Variants in PRH1 observed in about 807,000 individuals in gnomAD.
PRH1 encodes proline rich protein HaeIII subfamily 1.
Under a neutral mutation model 7.9 loss-of-function variants are expected in PRH1, and 7 were observed. The observed-to-expected ratio is 0.89, with a 90% confidence interval of 0.50 to 1.67. The LOEUF is 1.67. Among genes scored for constraint, PRH1 ranks in the 40% most tolerant of loss-of-function variants. PRH1 has a pLI of 0.00. For synonymous variants in PRH1, 45 were observed against 80.8 expected, an observed-to-expected ratio of 0.56 and a Z score of 2.38; for missense variants, 109 against 223.6, an observed-to-expected ratio of 0.49 and a Z score of 3.27.
At chr12:10,973,913 T>C (rs1030046087) in intron 1 of PRH1, among the ~76,000 whole-genome samples, 1 of 152,272 alleles carries the variant, frequency 6.6e-6, no homozygotes, top group Admixed American at 6.5e-5. Flanking sequence ...AAACTACTCC[T>C]AAAATGTATC....
At chr12:10,982,983 G>A (rs1391339657) in intron 1 of PRH1, among the ~76,000 whole-genome samples, 1 of 152,156 alleles carries the variant, frequency 6.6e-6, no homozygotes, top group Non-Finnish European at 1.5e-5. Context: ...AAAGGAGTTT[G>A]CAAGGGCTGC....
chr12:11,043,482 T>C (rs779701268), intron 1 of PRH1, among the ~76,000 whole-genome samples: 1 of 152,088 alleles, frequency 6.6e-6, no homozygotes, highest in Non-Finnish European at 1.5e-5. Context: ...AGCATCCACA[T>C]AGGAAAAGAA....
intron 2 of PRH1, among the ~76,000 whole-genome samples, chr12:10,967,940 G>C (rs1938586986): frequency 1.3e-5 from 2 of 152,192 alleles, no homozygotes; most frequent in African/African-American, 4.8e-5. Flanking sequence ...AGAGATTAGG[G>C]TGTGGTGGCA....
intron 1 of PRH1, chr12:11,061,810 A>G (rs778604903): frequency 1.9e-6 from 3 of 1,614,180 alleles, no homozygotes; most frequent in Middle Eastern, 3.3e-4. Context: ...CTTCCAAGTC[A>G]TGTTTCCTTC....
At chr12:11,027,664 A>G (rs1224630530) in intron 1 of PRH1, among the ~76,000 whole-genome samples, 1 of 152,210 alleles carries the variant, frequency 6.6e-6, no homozygotes, top group Non-Finnish European at 1.5e-5. Flanking sequence ...GCTCTACAGA[A>G]GATATAGACT....
chr12:10,984,721 TAC>T (rs1404262454), intron 1 of PRH1, among the ~76,000 whole-genome samples: 3 of 152,074 alleles, frequency 2.0e-5, no homozygotes, highest in African/African-American at 4.8e-5. Flanking sequence ...CAAGAATTAA[TAC>T]AGTTTATAGA....
At chr12:10,952,860 C>T (rs370889404) in intron 2 of PRH1, among the ~76,000 whole-genome samples, 1 of 152,146 alleles carries the variant, frequency 6.6e-6, no homozygotes, top group African/African-American at 2.4e-5. Flanking sequence ...AACAAGCTTG[C>T]GTTACACTGT....
At chr12:11,047,829 AT>A (rs761522482), upstream of PRH1, among the ~76,000 whole-genome samples, 16 of 152,354 alleles carry the variant, frequency 1.1e-4, no homozygotes, top group East Asian at 1.7e-3. Context: ...TCATAATGAA[AT>A]AAAACCTACC....
chr12:11,105,936 C>CT (rs765916131), intron 1 of PRH1, among the ~76,000 whole-genome samples: 2,350 of 94,930 alleles, frequency 0.025, 285 homozygotes, highest in African/African-American at 0.057. Flanking sequence ...ATAACTTATT[C>CT]TTTTTTTTTT....
At chr12:10,967,516 C>G (rs1178856607) in intron 2 of PRH1, among the ~76,000 whole-genome samples, 3 of 152,208 alleles carry the variant, frequency 2.0e-5, no homozygotes, top group Non-Finnish European at 4.4e-5. Context: ...CATCTGGTAA[C>G]AATTTTCTAC....
chr12:11,171,462 C>G (rs1450644654), upstream of PRH1: 1 of 1,232,284 alleles, frequency 8.1e-7, no homozygotes, highest in African/African-American at 1.5e-5. Context: ...CCGCACCCTG[C>G]TCGCCTTCTT....
rs1949602096 is a variant in PRH1 at position 10,893,341 on chromosome 12, T to A, written c.-58-9066A>T. 2.0e-5 allele frequency among the ~76,000 whole-genome samples: 3 copies of A among 152,252 alleles called. No homozygotes were observed. The South Asian group carries it at 6.2e-4, about 31-fold the overall frequency. On this transcript the variant is annotated intron_variant, in intron 2 of 3. Coordinates refer to the PRH1 transcript ENST00000539853. Reference sequence around the variant, plus strand: ...TCCATAGCACACTTACATTATGATGTAAACTCATATTATGGTTATCACAAG... The same window carrying A: ...TCCATAGCACACTTACATTATGATGAAAACTCATATTATGGTTATCACAAG...
At chr12:10,929,282 G>A in intron 2 of PRH1, 28 of 1,614,196 alleles carry the variant, frequency 1.7e-5, no homozygotes, top group Non-Finnish European at 2.4e-5. Flanking sequence ...AGATGCTTCT[G>A]ATTCTGCTGT....
At chr12:11,049,865 A>C (rs1241858851), upstream of PRH1, among the ~76,000 whole-genome samples, 2 of 152,214 alleles carry the variant, frequency 1.3e-5, no homozygotes, top group East Asian at 3.8e-4. Context: ...CTGATAACCA[A>C]TACATTTATA....
At chr12:10,897,757 C>T (rs756264801) in intron 2 of PRH1, among the ~76,000 whole-genome samples, 5 of 152,118 alleles carry the variant, frequency 3.3e-5, no homozygotes, top group Admixed American at 6.6e-5. Flanking sequence ...CTTGTGATAA[C>T]TCACTCACTC....
At chr12:11,091,243 T>C (rs1944881217) in intron 1 of PRH1, 1 of 1,104,920 alleles carries the variant, frequency 9.1e-7, no homozygotes, top group African/African-American at 1.7e-5. Flanking sequence ...TATAAAATGT[T>C]TCATACACCA....
intron 1 of PRH1, among the ~76,000 whole-genome samples, chr12:11,122,910 G>A (rs1251590187): frequency 6.6e-6 from 1 of 152,144 alleles, no homozygotes; most frequent in Non-Finnish European, 1.5e-5. Flanking sequence ...TAAGAGGCTA[G>A]GTTTACCTCA....
intron 1 of PRH1, among the ~76,000 whole-genome samples, chr12:11,071,043 C>T (rs1425393360): frequency 6.6e-6 from 1 of 150,620 alleles, no homozygotes; most frequent in East Asian, 1.9e-4. Context: ...CCTGCTTAGC[C>T]ATTCATAAAT....
At chr12:10,950,387 A>G (rs1290421555) in intron 2 of PRH1, among the ~76,000 whole-genome samples, 1 of 152,086 alleles carries the variant, frequency 6.6e-6, no homozygotes, top group Non-Finnish European at 1.5e-5. Flanking sequence ...GAAACATCAA[A>G]GAATAATTTT....
Sources: allele counts gnomAD v4.1 joint callset (sites outside exome capture counted in the v4.1 genomes callset), GRCh38; gene constraint gnomAD v4.1.1; transcripts MANE v1.5; gene names NCBI Gene and HGNC (gene_info 2026-07-23, HGNC 2026-07-21).